The following AP1AR variants were observed in gnomAD, a reference collection of about 807,000 sequenced individuals.
AP1AR encodes adaptor related protein complex 1 associated regulatory protein, also known as AP-1 complex-associated regulatory protein.
In AP1AR, 29 loss-of-function variants were observed where a neutral mutation model predicts 46.3. That is an observed-to-expected ratio of 0.63 (90% CI 0.47 to 0.85). AP1AR has a LOEUF of 0.85. Among genes scored for constraint, AP1AR ranks in the 40% least tolerant of loss-of-function variants. The probability of loss-of-function intolerance (pLI) is 0.00; values close to 1 mark genes in which losing one functional copy is unlikely to be tolerated. For synonymous variants in AP1AR, 122 were observed against 122.9 expected (o/e 0.99, Z 0.05); for missense variants, 357 against 356.3 (o/e 1.00, Z -0.02).
At chr4:112,254,307 G>C (rs1045447568) in intron 2 of AP1AR, among the ~76,000 whole-genome samples, 1 of 152,122 alleles carries the variant, frequency 6.6e-6, no homozygotes, top group African/African-American at 2.4e-5. Context: ...TGAATGAATA[G>C]ACGGATAAAT....
At chr4:112,257,832 T>A in intron 4 of AP1AR, 35 bp downstream of exon 4, 1 of 1,517,730 alleles carries the variant, frequency 6.6e-7, no homozygotes, top group South Asian at 1.3e-5. Flanking sequence ...ACAAAACTTC[T>A]ATGCAAACTG....
At chr4:112,239,897 G>A (rs1194488221) in intron 1 of AP1AR, among the ~76,000 whole-genome samples, 1 of 152,158 alleles carries the variant, frequency 6.6e-6, no homozygotes, top group Non-Finnish European at 1.5e-5. Flanking sequence ...CACATAGTAG[G>A]TGCTCAATAA....
chr4:112,232,127 G>C lies in AP1AR; in HGVS notation c.36G>C (p.Leu12=). 1 of 1,285,982 alleles carries C rather than the reference G, an allele frequency of 7.8e-7. No homozygotes were observed. The highest frequency in any genetic ancestry group is 9.9e-7 in the Non-Finnish European group (1 of 1,007,900). The allele number at this position is 1,285,982 out of a possible 1,614,324, so 79.7% of individuals were successfully genotyped here. A position where few individuals can be genotyped will look rare whatever the true frequency, so the allele number is the denominator to read the frequency against. ...GCTGCTGGACGCAGTGCTTCGGACT[G>C]CTTCGCAAGGAAGCGGGGCGGCTGC... ...GNCCWTQCFG[L]LRKEAGRLQR... The change falls in exon 1 of 10, where the codon CTG becomes CTC. Residue 12 remains leucine (L), a synonymous_variant. Coordinates refer to ENST00000274000, the MANE Select transcript of AP1AR (RefSeq NM_018569.6).
At position 112,269,042 on chromosome 4, in the gene AP1AR, T is replaced by G. The variant is rs1320122438; in HGVS notation, c.*633T>G. 16 of 150,778 alleles carry G rather than the reference T, an allele frequency of 1.1e-4. No homozygotes were observed. The allele number at this position is 150,778 out of a possible 1,614,324, so 9.3% of individuals were successfully genotyped here. ...CAAAAGATAATATAAAAATAACCCTTCAGAGTTTGGACATTTCAAGTTGGT... is the reference window on the plus strand; with the variant it reads ...CAAAAGATAATATAAAAATAACCCTGCAGAGTTTGGACATTTCAAGTTGGT... On this transcript the variant is annotated 3_prime_UTR_variant, in exon 10 of 10. Transcript: ENST00000274000.
At chr4:112,232,249 G>T (rs1725043038) in intron 1 of AP1AR, 75 bp downstream of exon 1, 3 of 1,209,480 alleles carry the variant, frequency 2.5e-6, no homozygotes, top group South Asian at 3.3e-5. Context: ...CCCTTTCACC[G>T]TCCCCCGGCG....
chr4:112,244,409 TA>T (rs1725636282), intron 1 of AP1AR, among the ~76,000 whole-genome samples: 1 of 152,162 alleles, frequency 6.6e-6, no homozygotes, highest in African/African-American at 2.4e-5. Context: ...CAGCATAAAC[TA>T]GTGGGTGAAC....
At position 112,268,490 on chromosome 4, in the gene AP1AR, C is replaced by T; in HGVS notation, c.*81C>T. The T allele has an allele frequency of 7.2e-7, 1 of 1,395,122 alleles. No homozygotes were observed. Among genetic ancestry groups the T allele is most frequent in the Non-Finnish European group, 9.6e-7 (1 of 1,045,758 alleles). The allele number at this position is 1,395,122 out of a possible 1,614,324, so 86.4% of individuals were successfully genotyped here. On this transcript the variant is annotated 3_prime_UTR_variant, in exon 10 of 10. Transcript: ENST00000274000. ...GAATGTATAAGTGATTGTGCTTAGC[C>T]TTTTTGTAAGGGAGATGTGTAAGAA...
Position 112,265,032 on chromosome 4 carries a change from G to A in AP1AR, c.405G>A (p.Gln135=). Residue 135 remains glutamine (Q), a synonymous_variant, in exon 7 of 10, where the codon CAG becomes CAA. Coordinates refer to ENST00000274000, the MANE Select transcript of AP1AR (RefSeq NM_018569.6). ...AGCAAGAAAGGCAGAGAATTGTGCA[G>A]CAATATCATCCTTCCAACAATGGAG... ...LLEQERQRIV[Q]QYHPSNNGEY... The A allele has an allele frequency of 1.2e-6, 2 of 1,602,614 alleles. No homozygotes were observed. Among genetic ancestry groups the A allele is most frequent in the Non-Finnish European group, 1.7e-6 (2 of 1,176,140 alleles).
chr4:112,249,697 G>A (rs1725871340), intron 1 of AP1AR, among the ~76,000 whole-genome samples: 2 of 151,904 alleles, frequency 1.3e-5, no homozygotes, highest in East Asian at 1.9e-4. Flanking sequence ...GATTTAGGGG[G>A]TACAGCTGCA....
chr4:112,265,876 T>A lies in AP1AR; in HGVS notation c.514+69T>A, dbSNP rs969766455. Reference sequence around the variant, plus strand: ...AACAGATAAGTAGAGATTCTGGCTCTGTTTCTGTAGAAGAACTTTCTGTTC... The same window carrying A: ...AACAGATAAGTAGAGATTCTGGCTCAGTTTCTGTAGAAGAACTTTCTGTTC... On this transcript the variant is annotated intron_variant, in intron 8 of 9. Coordinates refer to ENST00000274000, the MANE Select transcript of AP1AR (RefSeq NM_018569.6). The A allele has an allele frequency of 3.0e-6, 3 of 1,000,220 alleles. No homozygotes were observed. In the African/African-American group the frequency reaches 5.0e-5, roughly 17 times the overall value. 62.0% of individuals were successfully genotyped at this position (1,000,220 alleles called of 1,614,324 possible).
At chr4:112,241,837 C>T (rs1032596929) in intron 1 of AP1AR, among the ~76,000 whole-genome samples, 1 of 152,080 alleles carries the variant, frequency 6.6e-6, no homozygotes, top group Non-Finnish European at 1.5e-5. Flanking sequence ...ATGTTTCCAT[C>T]ATCTTTGTAA....
At chr4:112,258,964 G>A (rs1436583448) in intron 4 of AP1AR, among the ~76,000 whole-genome samples, 1 of 152,130 alleles carries the variant, frequency 6.6e-6, no homozygotes, top group Non-Finnish European at 1.5e-5. Context: ...ACTGAGGTGG[G>A]GGTTTGGGGA....
At chr4:112,238,828 A>G (rs564763471) in intron 1 of AP1AR, among the ~76,000 whole-genome samples, 1 of 152,216 alleles carries the variant, frequency 6.6e-6, no homozygotes, top group Non-Finnish European at 1.5e-5. Context: ...TCTGTCAAAC[A>G]TAACTGTAAA....
At chr4:112,243,627 T>G (rs1725600142) in intron 1 of AP1AR, among the ~76,000 whole-genome samples, 1 of 152,260 alleles carries the variant, frequency 6.6e-6, no homozygotes, top group South Asian at 2.1e-4. Context: ...CATTCATTTC[T>G]ATTCCTGTGC....
rs1165957737 is a variant in AP1AR at position 112,272,148 on chromosome 4, G to A, written c.*3739G>A. Among the ~76,000 whole-genome samples, 1 of 152,210 alleles carries A rather than the reference G, an allele frequency of 6.6e-6. No homozygotes were observed. The highest frequency in any genetic ancestry group is 6.5e-5 in the Admixed American group (1 of 15,270). The stretch of plus-strand genomic sequence containing the variant: ...AGCTAATGCAGACAATTTGAAAAGA[G>A]AGCAGAGAAATGGGGTAGCTGGAAG... On this transcript the variant is annotated 3_prime_UTR_variant, in exon 10 of 10. Transcript: ENST00000274000.
chr4:112,263,568 C>G (rs553146068), intron 6 of AP1AR, among the ~76,000 whole-genome samples: 1 of 151,328 alleles, frequency 6.6e-6, no homozygotes, highest in South Asian at 2.1e-4. Flanking sequence ...TGCTTCTCAT[C>G]TTTATTCTTG....
chr4:112,272,384 A>T lies in AP1AR; in HGVS notation c.*3975A>T, dbSNP rs6828884. Among the ~76,000 whole-genome samples, 92,194 of 151,398 alleles carry T rather than the reference A, an allele frequency of 0.61. 29,522 individuals carry two copies. Among genetic ancestry groups the T allele is most frequent in the African/African-American group, 0.8 (33,185 of 41,238 alleles). ...AGTTTGGCCTTCCTCTGGGGGCATG[A>T]CCAGACATGCGCAGTAAGGGGCAAA... On this transcript the variant is annotated 3_prime_UTR_variant, in exon 10 of 10. Coordinates refer to ENST00000274000, the MANE Select transcript of AP1AR (RefSeq NM_018569.6).
chr4:112,232,050 GC>G lies in AP1AR; in HGVS notation c.-41del. On this transcript the variant is annotated 5_prime_UTR_variant, in exon 1 of 10. Coordinates refer to ENST00000274000, the MANE Select transcript of AP1AR (RefSeq NM_018569.6). ...TGCCGGGCCTGGGTTTGGGCATTGAGCGGGAGGAGGAGGAGGAGCGGCGGCG... is the reference window on the plus strand; with the variant it reads ...TGCCGGGCCTGGGTTTGGGCATTGAGGGGAGGAGGAGGAGGAGCGGCGGCG... The G allele has an allele frequency of 1.5e-6, 2 of 1,349,330 alleles. No individual in the cohort carries two copies. The highest frequency in any genetic ancestry group is 1.9e-6 in the Non-Finnish European group (2 of 1,042,066). 83.6% of individuals were successfully genotyped at this position (1,349,330 alleles called of 1,614,324 possible). A position where few individuals can be genotyped will look rare whatever the true frequency, so the allele number is the denominator to read the frequency against.
At chr4:112,245,086 A>G (rs1215773832) in intron 1 of AP1AR, among the ~76,000 whole-genome samples, 1 of 152,184 alleles carries the variant, frequency 6.6e-6, no homozygotes, top group Admixed American at 6.5e-5. Flanking sequence ...CTTTATTTTT[A>G]GATTCTTAAG....
Sources: gnomAD v4.1 joint callset for allele counts (sites outside exome capture counted in the v4.1 genomes callset) on GRCh38, gnomAD v4.1.1 for gene constraint, MANE v1.5 for transcripts, NCBI Gene and HGNC (gene_info 2026-07-23, HGNC 2026-07-21) for gene names.